Variants in PPP3R2 observed in about 807,000 individuals in gnomAD.
PPP3R2 encodes calcineurin subunit B type 2.
For missense variants in PPP3R2, 225 were observed against 217.4 expected, an observed-to-expected ratio of 1.03 and a Z score of -0.22; for synonymous variants, 91 against 91.5, an observed-to-expected ratio of 0.99 and a Z score of 0.03.
chr9:101,592,638 G>A lies in PPP3R2; in HGVS notation c.*1771C>T, dbSNP rs989335250. On this transcript the variant is annotated 3_prime_UTR_variant, in exon 1 of 1. Transcript: ENST00000374806. The stretch of plus-strand genomic sequence containing the variant: ...TATCACAGTTTTTAGGGTTGAACAG[G>A]AATTGAAGGGGTAAGGATTCCTATT... The A allele has an allele frequency of 6.6e-6, 1 of 152,152 alleles. No individual in the cohort carries two copies. Among genetic ancestry groups the A allele is most frequent in the African/African-American group, 2.4e-5 (1 of 41,416 alleles). The allele number at this position is 152,152 out of a possible 1,614,324, so 9.4% of individuals were successfully genotyped here. A position where few individuals can be genotyped will look rare whatever the true frequency, so the allele number is the denominator to read the frequency against.
rs1285744164 is a variant in PPP3R2, at chr9:101,592,275, A to G, written c.*2134T>C. 6.6e-6 allele frequency: 1 copy of G among 152,244 alleles called. No homozygotes were observed. Among genetic ancestry groups the G allele is most frequent in the Admixed American group, 6.5e-5 (1 of 15,286 alleles). The allele number at this position is 152,244 out of a possible 1,614,324, so 9.4% of individuals were successfully genotyped here. A position where few individuals can be genotyped will look rare whatever the true frequency, so the allele number is the denominator to read the frequency against. On this transcript the variant is annotated 3_prime_UTR_variant, in exon 1 of 1. Transcript: ENST00000374806. ...AATTTTAGAGTGGGTGTAGCTAAGA[A>G]CTAAGTAAGTGTTCAAAAGCAACCA...
chr9:101,593,156 T>C lies in PPP3R2; in HGVS notation c.*1253A>G, dbSNP rs1396207402. 6.6e-6 allele frequency: 1 copy of C among 152,178 alleles called. No individual in the cohort carries two copies. Among genetic ancestry groups the C allele is most frequent in the Non-Finnish European group, 1.5e-5 (1 of 68,028 alleles). The allele number at this position is 152,178 out of a possible 1,614,324, so 9.4% of individuals were successfully genotyped here. A position where few individuals can be genotyped will look rare whatever the true frequency, so the allele number is the denominator to read the frequency against. On this transcript the variant is annotated 3_prime_UTR_variant, in exon 1 of 1. Transcript: ENST00000374806. ...AAACAAAACAAAAACAACTAAAAGC[T>C]TTTGTTCTTTTCTCACCATGGCTGA...
In PPP3R2 at chr9:101,593,339, T is replaced by C. The variant is rs1367918847; in HGVS notation, c.*1070A>G. ...CCACTAGGGAAAAGGCTTCCTGGAA[T>C]GAGAGAGCTCTCAGTTTCTCTTCTA... is the stretch of plus-strand genomic sequence containing the variant. On this transcript the variant is annotated 3_prime_UTR_variant, in exon 1 of 1. Coordinates refer to ENST00000374806, the MANE Select transcript of PPP3R2 (RefSeq NM_147180.4). 2 of 152,234 alleles carry C rather than the reference T, an allele frequency of 1.3e-5. 1 individual carries two copies. The highest frequency in any genetic ancestry group is 4.1e-4 in the South Asian group (2 of 4,830). The allele number at this position is 152,234 out of a possible 1,614,324, so 9.4% of individuals were successfully genotyped here.
Position 101,592,796 on chromosome 9 carries a change from C to G in PPP3R2, c.*1613G>C, listed in dbSNP as rs1335264621. ...TATTTTGGTCAAGACCAGTTGCCAG[C>G]TTCTTCCAAATAAAATAGCAGTAAA... On this transcript the variant is annotated 3_prime_UTR_variant, in exon 1 of 1. Coordinates refer to ENST00000374806, the MANE Select transcript of PPP3R2 (RefSeq NM_147180.4). 4 of 150,686 alleles carry G rather than the reference C, an allele frequency of 2.7e-5. No homozygotes were observed. The highest frequency in any genetic ancestry group is 5.9e-5 in the Non-Finnish European group (4 of 67,920). 9.3% of individuals were successfully genotyped at this position (150,686 alleles called of 1,614,324 possible).
chr9:101,594,762 A>G lies in PPP3R2; in HGVS notation c.160T>C (p.Leu54=). ...AAGACGTCGATCACTCGCCGCACCA[A>G]CGGGTTGTGGCGCAGCTCCGGCAGG... ...MSLPELRHNP[L]VRRVIDVFDT... The change falls in exon 1 of 1, where the codon TTG becomes CTG. Residue 54 remains leucine (L), a synonymous_variant. Transcript: ENST00000374806. 1.2e-6 allele frequency: 2 copies of G among 1,614,072 alleles called. No individual in the cohort carries two copies. The highest frequency in any genetic ancestry group is 1.7e-6 in the Non-Finnish European group (2 of 1,180,046).
Position 101,591,640 on chromosome 9 carries a change from C to A in PPP3R2, c.*2769G>T, listed in dbSNP as rs1828027827. 1 of 152,194 alleles carries A rather than the reference C, an allele frequency of 6.6e-6. No homozygotes were observed. The highest frequency in any genetic ancestry group is 1.5e-5 in the Non-Finnish European group (1 of 68,036). The allele number at this position is 152,194 out of a possible 1,614,324, so 9.4% of individuals were successfully genotyped here. A position where few individuals can be genotyped will look rare whatever the true frequency, so the allele number is the denominator to read the frequency against. On this transcript the variant is annotated 3_prime_UTR_variant, in exon 1 of 1. Transcript: ENST00000374806. ...TTGCTCAATAAATGTTTATTATCAT[C>A]ATCCCAAGAAACTGTATAGAACTAG...
rs1828060430 is a variant in PPP3R2, at chr9:101,593,370, C to G, written c.*1039G>C. On this transcript the variant is annotated 3_prime_UTR_variant, in exon 1 of 1. Coordinates refer to ENST00000374806, the MANE Select transcript of PPP3R2 (RefSeq NM_147180.4). ...AGCTCTCAGTTTCTCTTCTAGGCCT[C>G]AGATCTGATTTTCAAAATCAGCATA... 1 of 152,236 alleles carries G rather than the reference C, an allele frequency of 6.6e-6. No individual in the cohort carries two copies. The highest frequency in any genetic ancestry group is 1.5e-5 in the Non-Finnish European group (1 of 68,070). 9.4% of individuals were successfully genotyped at this position (152,236 alleles called of 1,614,324 possible).
rs535874239 is a variant in PPP3R2, at chr9:101,591,660, A to T, written c.*2749T>A. ...ATCATCATCCCAAGAAACTGTATAG[A>T]ACTAGATTTGTTGGCAACTGGCAAT... is the stretch of plus-strand genomic sequence containing the variant. On this transcript the variant is annotated 3_prime_UTR_variant, in exon 1 of 1. Transcript: ENST00000374806. 2.6e-5 allele frequency: 4 copies of T among 152,254 alleles called. No individual in the cohort carries two copies. In the South Asian group the frequency reaches 8.3e-4, roughly 31 times the overall value. The allele number at this position is 152,254 out of a possible 1,614,324, so 9.4% of individuals were successfully genotyped here. A position where few individuals can be genotyped will look rare whatever the true frequency, so the allele number is the denominator to read the frequency against.
chr9:101,594,905 C>A lies in PPP3R2; in HGVS notation c.17G>T (p.Ser6Ile). The A allele has an allele frequency of 6.3e-7, 1 of 1,599,588 alleles. No homozygotes were observed. The highest frequency in any genetic ancestry group is 8.5e-7 in the Non-Finnish European group (1 of 1,179,680). The change falls in exon 1 of 1, where the codon AGT becomes ATT. Residue 6 changes from serine to isoleucine, a missense_variant. Physicochemically the swap from Ser to Ile is moderately radical, Grantham distance 142. Transcript: ENST00000374806. ...GTGGGAGCACATCTCCGCCGGGTAA[C>A]TGGCCTCGTTTCCCATTGTGGACAT... Reference protein sequence around the residue: MGNEASYPAEMCSHFD... With the variant: MGNEAIYPAEMCSHFD...
In PPP3R2 at chr9:101,594,588, G is replaced by T. The variant is rs1161249912; in HGVS notation, c.334C>A (p.Leu112Ile). 1 of 1,614,076 alleles carries T rather than the reference G, an allele frequency of 6.2e-7. No individual in the cohort carries two copies. Residue 112 changes from leucine to isoleucine, a missense_variant, in exon 1 of 1, where the codon CTC (leucine) becomes ATC (isoleucine). Physicochemically the swap from Leu to Ile is conservative, Grantham distance 5 (BLOSUM62 2). Coordinates refer to ENST00000374806, the MANE Select transcript of PPP3R2 (RefSeq NM_147180.4). ...ACCATCATCTTCAGCACCTGGAAGA[G>T]CTCCCCGTTGGAAATGTAGCCATCT... is the stretch of plus-strand genomic sequence containing the variant. ...DKDGYISNGE[L>I]FQVLKMMVGN...
rs1291491534 is a variant in PPP3R2 at position 101,594,672 on chromosome 9, C to G, written c.250G>C (p.Val84Leu). The G allele has an allele frequency of 6.2e-7, 1 of 1,614,214 alleles. No homozygotes were observed. Among genetic ancestry groups the G allele is most frequent in the South Asian group, 1.1e-5 (1 of 91,086 alleles). ...AACTTCTGCTCCTCGTCGCCCTTGA[C>G]GCTGAACTGGGAGGTCCCCAGGATG... ...EFILGTSQFS[V>L]KGDEEQKLRF... is the part of the protein sequence containing the mutation. Residue 84 changes from valine (V) to leucine (L), a missense_variant, in exon 1 of 1, where the codon GTC (valine) becomes CTC (leucine). Val to Leu is a conservative substitution (Grantham distance 32). Transcript: ENST00000374806.
Position 101,594,522 on chromosome 9 carries a change from C to A in PPP3R2, c.400G>T (p.Asp134Tyr), listed in dbSNP as rs760377198. Reference sequence around the variant, plus strand: ...TTGTCCAGGATGATGATGGTTTTGTCGACCAGCTGCTGGAGCTGCCAGTCC... The same window carrying A: ...TTGTCCAGGATGATGATGGTTTTGTAGACCAGCTGCTGGAGCTGCCAGTCC... ...LTDWQLQQLV[D>Y]KTIIILDKDG... The change falls in exon 1 of 1, where the codon GAC becomes TAC. Residue 134 changes from aspartate to tyrosine, a missense_variant. Asp to Tyr is a radical substitution (Grantham distance 160). Transcript: ENST00000374806. The A allele has an allele frequency of 1.7e-5, 28 of 1,614,026 alleles. No individual in the cohort carries two copies. In the Admixed American group the frequency reaches 4.3e-4, roughly 25 times the overall value.
Position 101,594,589 on chromosome 9 carries a change from C to G in PPP3R2, c.333G>C (p.Glu111Asp). Residue 111 changes from glutamate (E) to aspartate (D), a missense_variant, in exon 1 of 1, where the codon GAG (glutamate) becomes GAC (aspartate). By Grantham distance (45) the Glu-to-Asp change is conservative. Coordinates refer to ENST00000374806, the MANE Select transcript of PPP3R2 (RefSeq NM_147180.4). ...CCATCATCTTCAGCACCTGGAAGAG[C>G]TCCCCGTTGGAAATGTAGCCATCTT... ...MDKDGYISNG[E>D]LFQVLKMMVG... 6.2e-7 allele frequency: 1 copy of G among 1,614,216 alleles called. No homozygotes were observed. Among genetic ancestry groups the G allele is most frequent in the Non-Finnish European group, 8.5e-7 (1 of 1,180,048 alleles).
rs1564121465 is a variant in PPP3R2 at position 101,594,549 on chromosome 9, T to C, written c.373A>G (p.Thr125Ala). 6.2e-7 allele frequency: 1 copy of C among 1,614,170 alleles called. No homozygotes were observed. Among genetic ancestry groups the C allele is most frequent in the Non-Finnish European group, 8.5e-7 (1 of 1,180,040 alleles). Residue 125 changes from threonine to alanine, a missense_variant, in exon 1 of 1, where the codon ACG (threonine) becomes GCG (alanine). By Grantham distance (58) the Thr-to-Ala change is moderately conservative (BLOSUM62 0). Transcript: ENST00000374806. ...VLKMMVGNNLTDWQLQQLVDK... is the reference protein window; with the variant it reads ...VLKMMVGNNLADWQLQQLVDK... Reference sequence around the variant, plus strand: ...ACCAGCTGCTGGAGCTGCCAGTCCGTCAGGTTGTTGCCCACCATCATCTTC... The same window carrying C: ...ACCAGCTGCTGGAGCTGCCAGTCCGCCAGGTTGTTGCCCACCATCATCTTC...
chr9:101,594,959 G>C lies in PPP3R2; in HGVS notation c.-38C>G, dbSNP rs752167604. 31 of 1,580,290 alleles carry C rather than the reference G, an allele frequency of 2.0e-5. No homozygotes were observed. The highest frequency in any genetic ancestry group is 2.6e-5 in the Non-Finnish European group (30 of 1,170,160). On this transcript the variant is annotated 5_prime_UTR_variant, in exon 1 of 1. Coordinates refer to ENST00000374806, the MANE Select transcript of PPP3R2 (RefSeq NM_147180.4). ...GCAACGGCCACGGCTCAAAGGGTCG[G>C]AGAGGGGAGCAGGGGCGGTGAGCTC... is the stretch of plus-strand genomic sequence containing the variant.
In PPP3R2 at chr9:101,594,473, A is replaced by C; in HGVS notation, c.449T>G (p.Phe150Cys). 1 of 1,614,178 alleles carries C rather than the reference A, an allele frequency of 6.2e-7. No individual in the cohort carries two copies. The highest frequency in any genetic ancestry group is 8.5e-7 in the Non-Finnish European group (1 of 1,180,030). The change falls in exon 1 of 1, where the codon TTT becomes TGT. Residue 150 changes from phenylalanine to cysteine, a missense_variant. Phe to Cys is a radical substitution (Grantham distance 205). Transcript: ENST00000374806. Reference sequence around the variant, plus strand: ...TCTGACCACAGCACTGAATTCCTCAAAGGATATCTTCCCATCGCCATCCTT... The same window carrying C: ...TCTGACCACAGCACTGAATTCCTCACAGGATATCTTCCCATCGCCATCCTT... Reference protein sequence around the residue: ...LDKDGDGKISFEEFSAVVRDL... With the variant: ...LDKDGDGKISCEEFSAVVRDL...
chr9:101,593,051 A>G lies in PPP3R2; in HGVS notation c.*1358T>C, dbSNP rs1394679258. The stretch of plus-strand genomic sequence containing the variant: ...ACAGTTCATGCTCTGAGAACTCACA[A>G]TAGTATGTGGGACACCTCAGGGAGC... On this transcript the variant is annotated 3_prime_UTR_variant, in exon 1 of 1. Transcript: ENST00000374806. The G allele has an allele frequency of 6.6e-6, 1 of 152,238 alleles. No homozygotes were observed. The highest frequency in any genetic ancestry group is 1.9e-4 in the East Asian group (1 of 5,196). 9.4% of individuals were successfully genotyped at this position (152,238 alleles called of 1,614,324 possible).
Position 101,594,773 on chromosome 9 carries a change from C to A in PPP3R2, c.149G>T (p.Arg50Leu), listed in dbSNP as rs577767900. The stretch of plus-strand genomic sequence containing the variant: ...CACTCGCCGCACCAACGGGTTGTGG[C>A]GCAGCTCCGGCAGGGACATGAACTC... ...VEEFMSLPEL[R>L]HNPLVRRVID... The change falls in exon 1 of 1, where the codon CGC becomes CTC. Residue 50 changes from arginine to leucine, a missense_variant. Physicochemically the swap from Arg to Leu is moderately radical, Grantham distance 102. Coordinates refer to ENST00000374806, the MANE Select transcript of PPP3R2 (RefSeq NM_147180.4). 3.2e-5 allele frequency: 51 copies of A among 1,613,930 alleles called. No homozygotes were observed. In the South Asian group the frequency reaches 5.3e-4, roughly 17 times the overall value.
Position 101,594,941 on chromosome 9 carries a change from C to T in PPP3R2, c.-20G>A. 6.3e-7 allele frequency: 1 copy of T among 1,592,206 alleles called. No individual in the cohort carries two copies. Reference sequence around the variant, plus strand: ...TCCCATTGTGGACATCTGGCAACGGCCACGGCTCAAAGGGTCGGAGAGGGG... The same window carrying T: ...TCCCATTGTGGACATCTGGCAACGGTCACGGCTCAAAGGGTCGGAGAGGGG... On this transcript the variant is annotated 5_prime_UTR_variant, in exon 1 of 1. Coordinates refer to ENST00000374806, the MANE Select transcript of PPP3R2 (RefSeq NM_147180.4).
Sources: gnomAD v4.1 joint callset for allele counts on GRCh38, gnomAD v4.1.1 for gene constraint, MANE v1.5 for transcripts, NCBI Gene and HGNC (gene_info 2026-07-23, HGNC 2026-07-21) for gene names.